OGG1: variants seen among roughly 807,000 people sequenced by gnomAD.
OGG1 encodes N-glycosylase/DNA lyase.
In OGG1, 35 loss-of-function variants were observed where a neutral mutation model predicts 42.3. The observed-to-expected ratio is 0.83, with a 90% CI of 0.63 to 1.10. The LOEUF (loss-of-function observed/expected upper bound fraction) is 1.10, where lower values mean the gene tolerates loss of function less well. Among genes scored for constraint, OGG1 ranks in the 50% least tolerant of loss-of-function variants. The pLI, the probability that OGG1 is intolerant of heterozygous loss-of-function variation, is 0.00. For synonymous variants in OGG1, 189 were observed against 179.0 expected, an observed-to-expected ratio of 1.06 and a Z score of -0.44; for missense variants, 484 against 446.7, an observed-to-expected ratio of 1.08 and a Z score of -0.75.
At chr3:9,790,891 C>G (rs1292597095), downstream of OGG1, among the ~76,000 whole-genome samples, 2 of 152,170 alleles carry the variant, frequency 1.3e-5, no homozygotes. Context: ...TTCCAGTTCC[C>G]TAGGACTGCT....
At chr3:9,761,918 A>G (rs1039727841), downstream of OGG1, 16 of 1,101,978 alleles carry the variant, frequency 1.5e-5, no homozygotes, top group Non-Finnish European at 2.0e-5. Flanking sequence ...AAGAAGGCCA[A>G]AAATTCCAGG....
chr3:9,752,218 G>C lies in OGG1; in HGVS notation c.565+269G>C, dbSNP rs1575187015. On this transcript the variant is annotated intron_variant, in intron 3 of 6. Coordinates refer to ENST00000344629, the MANE Select transcript of OGG1 (RefSeq NM_002542.6). ...ACAATGTACAGTAGTTTGGGGTTAA[G>C]AGCATGCATTCTGGGGACAGACCCA... The C allele has an allele frequency of 7.7e-6, 4 of 519,144 alleles. No homozygotes were observed. The East Asian group carries it at 1.4e-4, about 18-fold the overall frequency. The allele number at this position is 519,144 out of a possible 1,614,324, so 32.2% of individuals were successfully genotyped here.
intron 2 of OGG1, among the ~76,000 whole-genome samples, chr3:9,777,276 T>C (rs2078377621): frequency 6.6e-6 from 1 of 152,178 alleles, no homozygotes. Context: ...CAGAATTGTT[T>C]TGAATTAAAT....
intron 2 of OGG1, among the ~76,000 whole-genome samples, chr3:9,774,408 C>CAAAA (rs35674476): frequency 2.6e-5 from 3 of 117,130 alleles, no homozygotes; most frequent in Non-Finnish European, 3.3e-5. Flanking sequence ...GACTCTGTCT[C>CAAAA]AAAAAAAAAA....
rs1265172110 is a variant in OGG1 at position 9,757,048 on chromosome 3, C to T, written c.949-13C>T. 2 of 1,614,072 alleles carry T rather than the reference C, an allele frequency of 1.2e-6. No homozygotes were observed. Among genetic ancestry groups the T allele is most frequent in the Non-Finnish European group, 8.5e-7 (1 of 1,180,038 alleles). ...TGTACCCTCCTCCCCACACAGACTCCACCCTCCTACAGGTGCTGTTCAGTG... is the reference window on the plus strand; with the variant it reads ...TGTACCCTCCTCCCCACACAGACTCTACCCTCCTACAGGTGCTGTTCAGTG... On this transcript the variant is annotated splice_polypyrimidine_tract_variant and intron_variant, in intron 6 of 6. Transcript: ENST00000344629. The surrounding 1 kb of genome is among the most constrained non-coding windows in gnomAD (Gnocchi z 4.5).
chr3:9,769,486 A>T (rs1304916473), downstream of OGG1, among the ~76,000 whole-genome samples: 1 of 152,062 alleles, frequency 6.6e-6, no homozygotes, highest in Non-Finnish European at 1.5e-5. Flanking sequence ...AGATTCCCAG[A>T]TCCTCCACCC....
chr3:9,757,807 T>C, downstream of OGG1: 1 of 1,613,520 alleles, frequency 6.2e-7, no homozygotes. This position sits in a 1 kb window ranked among gnomAD's most constrained non-coding sequence, Gnocchi z 4.5. Context: ...AGCTGCAGTT[T>C]CCTCATGTGC....
chr3:9,750,333 T>C lies in OGG1; in HGVS notation c.47T>C (p.Leu16Pro), dbSNP rs1324064169. The C allele has an allele frequency of 6.2e-7, 1 of 1,613,842 alleles. No individual in the cohort carries two copies. The highest frequency in any genetic ancestry group is 1.3e-5 in the African/African-American group (1 of 74,922). The part of the protein sequence containing the change: ...LLPRRMGHRT[L>P]ASTPALWASI... The stretch of plus-strand genomic sequence containing the variant: ...CCCAGGCGCATGGGGCATCGTACTC[T>C]AGCCTCCACTCCTGCCCTGTGGGCC... The change falls in exon 1 of 7, where the codon CTA becomes CCA. Residue 16 changes from leucine (L) to proline (P), a missense_variant. Coordinates refer to ENST00000344629, the MANE Select transcript of OGG1 (RefSeq NM_002542.6).
At chr3:9,783,977 G>A (rs1015928337) in intron 3 of OGG1, 2 of 1,566,074 alleles carry the variant, frequency 1.3e-6, no homozygotes, top group African/African-American at 1.4e-5. Context: ...ACTAGCCGTG[G>A]CCACAGCCTC....
chr3:9,790,486 T>C (rs1347057626), downstream of OGG1, among the ~76,000 whole-genome samples: 1 of 152,176 alleles, frequency 6.6e-6, no homozygotes, highest in East Asian at 1.9e-4. Context: ...TGTTGTTTGG[T>C]CACACTGGAA....
downstream of OGG1, among the ~76,000 whole-genome samples, chr3:9,771,468 C>T (rs1233053230): frequency 6.6e-6 from 1 of 152,210 alleles, no homozygotes; most frequent in African/African-American, 2.4e-5. Flanking sequence ...TGAAGATTGA[C>T]TCAGAGTTCT....
At chr3:9,755,868 A>G (rs1320569186) in intron 4 of OGG1, among the ~76,000 whole-genome samples, 1 of 151,948 alleles carries the variant, frequency 6.6e-6, no homozygotes, top group African/African-American at 2.4e-5. Context: ...GGTTCTGCCT[A>G]TTCTCAGCCA....
chr3:9,754,793 C>G lies in OGG1; in HGVS notation c.655C>G (p.Gln219Glu). The G allele has an allele frequency of 6.2e-7, 1 of 1,613,834 alleles. No individual in the cohort carries two copies. The highest frequency in any genetic ancestry group is 8.5e-7 in the Non-Finnish European group (1 of 1,179,888). The change falls in exon 4 of 7, where the codon CAG becomes GAG. Residue 219 changes from glutamine to glutamate, a missense_variant. Coordinates refer to ENST00000344629, the MANE Select transcript of OGG1 (RefSeq NM_002542.6). ...CAGTGCCCGAGCCATCCTGGAAGAACAGGGCGGGCTAGCCTGGCTGCAGCA... is the reference window on the plus strand; with the variant it reads ...CAGTGCCCGAGCCATCCTGGAAGAAGAGGGCGGGCTAGCCTGGCTGCAGCA... The part of the protein sequence containing the change: ...SASARAILEE[Q>E]GGLAWLQQLR...
At chr3:9,755,163 A>G (rs1405844391) in intron 4 of OGG1, among the ~76,000 whole-genome samples, 1 of 152,190 alleles carries the variant, frequency 6.6e-6, no homozygotes, top group Admixed American at 6.5e-5. Flanking sequence ...AAATTGCAGG[A>G]AACTAAATAA....
intron 3 of OGG1, 101 bp from the exon 4 acceptor site, chr3:9,754,603 T>A: frequency 1.5e-6 from 2 of 1,330,352 alleles, no homozygotes; most frequent in Non-Finnish European, 1.1e-6. Context: ...GAGGGGAACT[T>A]AGGAAAAGCA....
At chr3:9,761,808 G>A (rs1259240432), downstream of OGG1, 1 of 1,602,608 alleles carries the variant, frequency 6.2e-7, no homozygotes, top group Non-Finnish European at 8.5e-7. Context: ...GTTAGAGGCT[G>A]GTAGAACCTT....
intron 3 of OGG1, among the ~76,000 whole-genome samples, chr3:9,752,603 C>G (rs531406243): frequency 6.6e-6 from 1 of 150,396 alleles, no homozygotes; most frequent in African/African-American, 2.5e-5. Flanking sequence ...TCTAAGAACA[C>G]GTGTGTTCTT....
downstream of OGG1, chr3:9,767,577 G>A (rs1212092448): frequency 3.9e-6 from 6 of 1,544,314 alleles, no homozygotes; most frequent in Non-Finnish European, 4.5e-6. Flanking sequence ...TGGGCTGTGG[G>A]AAACAGGAAG....
chr3:9,790,862 T>G (rs2078712226), downstream of OGG1, among the ~76,000 whole-genome samples: 2 of 152,188 alleles, frequency 1.3e-5, no homozygotes, highest in African/African-American at 2.4e-5. Flanking sequence ...ATGCCAGGAT[T>G]CAAATCCAGG....
Sources: gnomAD v4.1 joint callset for allele counts (sites outside exome capture counted in the v4.1 genomes callset) on GRCh38, gnomAD v4.1.1 for gene constraint, Gnocchi (gnomAD v3.1) non-coding constraint, MANE v1.5 for transcripts, NCBI Gene and HGNC (gene_info 2026-07-23, HGNC 2026-07-21) for gene names.